Variants in UTS2 observed in about 807,000 individuals in gnomAD.
UTS2 encodes the protein urotensin-2.
UTS2 carries 10 observed loss-of-function variants against 12.6 expected under a neutral mutation model. That is an observed-to-expected ratio of 0.80 (90% CI 0.49 to 1.35). The LOEUF (loss-of-function observed/expected upper bound fraction) is 1.35. Among genes scored for constraint, UTS2 ranks in the 40% most tolerant of loss-of-function variants. UTS2 has a pLI of 0.00. For missense variants in UTS2, 142 were observed against 143.2 expected (o/e 0.99, Z 0.04); for synonymous variants, 52 against 50.0 (o/e 1.04, Z -0.17).
chr1:7,863,031 TTGTATTGTATTGTATTGTATTGTATTG>T, the UTS2 span, among the ~76,000 whole-genome samples: 67 of 30,120 alleles, frequency 2.2e-3, 2 homozygotes, highest in African/African-American at 5.4e-3. Context: ...TTGTATTGTA[TTGTATTGTATTGTATTGTATTGTATTG>T]TATTGTATTG....
the UTS2 span, among the ~76,000 whole-genome samples, chr1:7,866,623 CT>C: frequency 6.6e-6 from 1 of 152,174 alleles, no homozygotes; most frequent in Non-Finnish European, 1.5e-5. This position sits in a 1 kb window ranked among gnomAD's most constrained non-coding sequence, Gnocchi z 4.5. Flanking sequence ...CTCCACTCAG[CT>C]TTCCCCCTCC....
upstream of UTS2, among the ~76,000 whole-genome samples, chr1:7,857,892 G>T (rs1425620869): frequency 6.6e-6 from 1 of 150,576 alleles, no homozygotes; most frequent in Admixed American, 6.7e-5. Flanking sequence ...TTGTCTGTCT[G>T]TGTATTACAT....
the UTS2 span, among the ~76,000 whole-genome samples, chr1:7,863,056 TTGTA>T: frequency 9.5e-5 from 7 of 73,762 alleles, no homozygotes; most frequent in African/African-American, 3.0e-4. Context: ...TTGTATTGTA[TTGTA>T]TTGTATTGTA....
the UTS2 span, among the ~76,000 whole-genome samples, chr1:7,882,882 G>A: frequency 8.5e-5 from 13 of 152,066 alleles, no homozygotes; most frequent in African/African-American, 2.9e-4. Flanking sequence ...ATCCCAATTC[G>A]AATGGCTATT....
At chr1:7,862,632 AG>A in the UTS2 span, among the ~76,000 whole-genome samples, 1 of 152,122 alleles carries the variant, frequency 6.6e-6, no homozygotes, top group African/African-American at 2.4e-5. Flanking sequence ...ATGGCAGGAC[AG>A]GAAGCAAGAG....
At chr1:7,902,438 C>G in the UTS2 span, among the ~76,000 whole-genome samples, 18,756 of 152,116 alleles carry the variant, frequency 0.12, 2,542 homozygotes, top group East Asian at 0.56. Context: ...TCACAGGGGC[C>G]TAAAGATGGC....
At chr1:7,852,727 T>C (rs117182019) in intron 1 of UTS2, among the ~76,000 whole-genome samples, 174 bp downstream of exon 1, 1 of 152,342 alleles carries the variant, frequency 6.6e-6, no homozygotes, top group East Asian at 1.9e-4. Flanking sequence ...TATCCATTAC[T>C]ACATCTAAAA....
upstream of UTS2, among the ~76,000 whole-genome samples, chr1:7,854,568 T>C (rs1638265470): frequency 6.9e-6 from 1 of 145,930 alleles, no homozygotes; most frequent in South Asian, 2.2e-4. Context: ...ATAGAACTAC[T>C]AGGGGAAAAA....
At chr1:7,849,830 C>T in intron 2 of UTS2, 147 bp from the exon 3 acceptor site, 1 of 658,512 alleles carries the variant, frequency 1.5e-6, no homozygotes, top group Non-Finnish European at 2.5e-6. Context: ...TGCAGACAGA[C>T]AGGCACTCCT....
the UTS2 span, among the ~76,000 whole-genome samples, chr1:7,898,539 G>A: frequency 6.6e-6 from 1 of 151,762 alleles, no homozygotes; most frequent in Non-Finnish European, 1.5e-5. Context: ...GCAGTGGCGC[G>A]ATCTCGGCTC....
the UTS2 span, among the ~76,000 whole-genome samples, chr1:7,893,456 CA>C: frequency 6.6e-6 from 1 of 151,930 alleles, no homozygotes; most frequent in African/African-American, 2.4e-5. Flanking sequence ...TGTGCCACTG[CA>C]CTCCAGCCTG....
chr1:7,906,467 G>GAAAGAA, the UTS2 span, among the ~76,000 whole-genome samples: 1 of 113,904 alleles, frequency 8.8e-6, no homozygotes, highest in East Asian at 2.8e-4. Flanking sequence ...AAGAAAGAAA[G>GAAAGAA]AAAGAAAGAA....
At chr1:7,910,777 A>T in the UTS2 span, among the ~76,000 whole-genome samples, 18 of 152,076 alleles carry the variant, frequency 1.2e-4, no homozygotes, top group Non-Finnish European at 1.8e-4. Context: ...CCCAGGCTGG[A>T]GTGCAGTGGC....
Position 7,847,676 on chromosome 1 carries a change from T to TC in UTS2, c.*89dup. 1 of 1,068,072 alleles carries TC rather than the reference T, an allele frequency of 9.4e-7. No individual in the cohort carries two copies. Among genetic ancestry groups the TC allele is most frequent in the Non-Finnish European group, 1.4e-6 (1 of 712,232 alleles). The allele number at this position is 1,068,072 out of a possible 1,614,324, so 66.2% of individuals were successfully genotyped here. On this transcript the variant is annotated 3_prime_UTR_variant, in exon 4 of 4. Transcript: ENST00000361696. Reference sequence around the variant, plus strand: ...AACAGGGTGTAGTTTGCCTAGTTTTTCTCCACACTGTTTTCAAATCAAGCA... The same window carrying TC: ...AACAGGGTGTAGTTTGCCTAGTTTTTCCTCCACACTGTTTTCAAATCAAGCA...
At chr1:7,859,024 T>C in the UTS2 span, among the ~76,000 whole-genome samples, 1 of 152,216 alleles carries the variant, frequency 6.6e-6, no homozygotes, top group African/African-American at 2.4e-5. Flanking sequence ...TTTGGGGTGA[T>C]CTGTGAGGAA....
the UTS2 span, among the ~76,000 whole-genome samples, chr1:7,881,322 T>C: frequency 6.6e-6 from 1 of 152,132 alleles, no homozygotes; most frequent in Non-Finnish European, 1.5e-5. Flanking sequence ...ATAAAAGGCA[T>C]CCAAATTGAA....
At chr1:7,907,302 A>G in the UTS2 span, among the ~76,000 whole-genome samples, 3 of 151,806 alleles carry the variant, frequency 2.0e-5, no homozygotes, top group African/African-American at 7.3e-5. Flanking sequence ...TAGTAGATTT[A>G]AAAAGTGAAA....
the UTS2 span, among the ~76,000 whole-genome samples, chr1:7,884,870 CCCAT>C: frequency 6.6e-6 from 1 of 151,400 alleles, no homozygotes; most frequent in Non-Finnish European, 1.5e-5. Context: ...CATCCACCCA[CCCAT>C]CCATCCACCC....
chr1:7,873,210 G>C, the UTS2 span, among the ~76,000 whole-genome samples: 6 of 152,196 alleles, frequency 3.9e-5, no homozygotes, highest in African/African-American at 1.4e-4. Context: ...GCTCTGATTA[G>C]GATGTACAAG....
Sources: allele counts gnomAD v4.1 joint callset (sites outside exome capture counted in the v4.1 genomes callset), GRCh38; gene constraint gnomAD v4.1.1; non-coding constraint Gnocchi (gnomAD v3.1); transcripts MANE v1.5; gene names NCBI Gene and HGNC (gene_info 2026-07-23, HGNC 2026-07-21).